Variants in FUT9 observed in about 807,000 individuals in gnomAD.
FUT9 encodes fucosyltransferase 9.
Under a neutral mutation model 29.7 loss-of-function variants are expected in FUT9, and 15 were observed. The ratio of observed to expected loss-of-function variants is 0.51; its 90% confidence interval spans 0.34 to 0.78. The LOEUF (loss-of-function observed/expected upper bound fraction) is 0.78, where lower values mean the gene tolerates loss of function less well. Among genes scored for constraint, FUT9 ranks in the 30% least tolerant of loss-of-function variants. FUT9 has a pLI of 0.01. For synonymous variants in FUT9, 169 were observed against 153.7 expected (o/e 1.10, Z -0.74); for missense variants, 319 against 425.4 (o/e 0.75, Z 2.20).
At chr6:96,188,487 C>T (rs879910044) in intron 2 of FUT9, among the ~76,000 whole-genome samples, 1 of 152,004 alleles carries the variant, frequency 6.6e-6, no homozygotes, top group African/African-American at 2.4e-5. Context: ...TAAAGCAATA[C>T]GTGTGACCTG....
intron 2 of FUT9, among the ~76,000 whole-genome samples, chr6:96,165,246 A>T (rs1373109210): frequency 6.6e-6 from 1 of 152,010 alleles, no homozygotes; most frequent in Non-Finnish European, 1.5e-5. Context: ...AGCCTGACAA[A>T]CATGGAGAAA....
rs560223509 is a variant in FUT9 at position 96,188,981 on chromosome 6, G to A, written c.-8-14167G>A. ...TTGAACAGAGATGACAACATTAATC[G>A]TATACTCACACAAATCTAGGTAAAC... is the stretch of plus-strand genomic sequence containing the variant. On this transcript the variant is annotated intron_variant, in intron 2 of 2. Coordinates refer to ENST00000302103, the MANE Select transcript of FUT9 (RefSeq NM_006581.4). Among the ~76,000 whole-genome samples, 177 of 152,146 alleles carry A rather than the reference G, an allele frequency of 1.2e-3. 1 individual carries two copies. The highest frequency in any genetic ancestry group is 3.9e-3 in the African/African-American group (162 of 41,540).
At chr6:96,069,773 GGC>G (rs1423316517) in intron 1 of FUT9, among the ~76,000 whole-genome samples, 1 of 151,894 alleles carries the variant, frequency 6.6e-6, no homozygotes, top group Non-Finnish European at 1.5e-5. Context: ...CCGAACTACA[GGC>G]GCGCGCCACC....
chr6:96,070,256 GAAC>G (rs1771035786), intron 1 of FUT9, among the ~76,000 whole-genome samples: 1 of 151,942 alleles, frequency 6.6e-6, no homozygotes, highest in African/African-American at 2.4e-5. Context: ...GAAGCTATTT[GAAC>G]AACATTGAAA....
chr6:96,096,905 G>A (rs781440651), intron 1 of FUT9, among the ~76,000 whole-genome samples: 2 of 151,922 alleles, frequency 1.3e-5, no homozygotes, highest in African/African-American at 2.4e-5. Context: ...AGCTCAATGA[G>A]GGGAGGAATT....
At chr6:96,174,012 T>C (rs1313312189) in intron 2 of FUT9, among the ~76,000 whole-genome samples, 2 of 152,050 alleles carry the variant, frequency 1.3e-5, no homozygotes, top group Non-Finnish European at 2.9e-5. Flanking sequence ...TTAAGAAAAA[T>C]ACAAGAAGTA....
chr6:96,133,439 T>C (rs970706554), intron 2 of FUT9, among the ~76,000 whole-genome samples: 4 of 151,912 alleles, frequency 2.6e-5, no homozygotes, highest in Admixed American at 1.3e-4. Flanking sequence ...AATTGGTTAT[T>C]TTTTGAATAA....
chr6:96,143,100 T>G (rs1202250463), intron 2 of FUT9, among the ~76,000 whole-genome samples: 2 of 152,170 alleles, frequency 1.3e-5, no homozygotes, highest in Non-Finnish European at 2.9e-5. Context: ...ATTCCTACGT[T>G]GAAAACCTCA....
chr6:96,116,951 A>C (rs1281475984), intron 2 of FUT9, among the ~76,000 whole-genome samples: 1 of 152,212 alleles, frequency 6.6e-6, no homozygotes, highest in Non-Finnish European at 1.5e-5. Context: ...TGCACATTAA[A>C]AAAAGAAAGA....
intron 1 of FUT9, among the ~76,000 whole-genome samples, chr6:96,073,737 C>T (rs1771100864): frequency 6.6e-6 from 1 of 152,008 alleles, no homozygotes; most frequent in African/African-American, 2.4e-5. Context: ...AATGAGGGGC[C>T]CAAGATGGTG....
In FUT9 at chr6:96,208,101, G is replaced by A. The variant is rs761138903; in HGVS notation, c.*3866G>A. The A allele has an allele frequency of 2.4e-5, 4 of 167,012 alleles. No individual in the cohort carries two copies. Among genetic ancestry groups the A allele is most frequent in the East Asian group, 3.9e-4 (2 of 5,188 alleles). 10.3% of individuals were successfully genotyped at this position (167,012 alleles called of 1,614,324 possible). ...TTTTGAGGGGCTTAGAAAGCTCAGC[G>A]CATTTGATGTATAAAGCAACAGAAT... On this transcript the variant is annotated 3_prime_UTR_variant, in exon 3 of 3. Transcript: ENST00000302103.
intron 1 of FUT9, among the ~76,000 whole-genome samples, chr6:96,107,102 C>T (rs1242716572): frequency 6.6e-6 from 1 of 152,180 alleles, no homozygotes; most frequent in Non-Finnish European, 1.5e-5. Flanking sequence ...TAGGGCATAG[C>T]TTTGCTAACC....
At chr6:96,075,950 T>C (rs1438754396) in intron 1 of FUT9, among the ~76,000 whole-genome samples, 1 of 152,198 alleles carries the variant, frequency 6.6e-6, no homozygotes, top group Non-Finnish European at 1.5e-5. Context: ...GCTTTGTTCT[T>C]CCACCTCTTA....
At chr6:96,189,293 TG>T (rs1390089163) in intron 2 of FUT9, among the ~76,000 whole-genome samples, 1 of 152,054 alleles carries the variant, frequency 6.6e-6, no homozygotes, top group Non-Finnish European at 1.5e-5. Flanking sequence ...AACATTGGCA[TG>T]TGCTGAGACT....
At chr6:96,077,804 A>G (rs896791553) in intron 1 of FUT9, among the ~76,000 whole-genome samples, 3 of 152,180 alleles carry the variant, frequency 2.0e-5, no homozygotes, top group African/African-American at 7.2e-5. Context: ...CCTCACACTC[A>G]ACTAATAATG....
intron 2 of FUT9, among the ~76,000 whole-genome samples, chr6:96,201,007 C>T (rs765200617): frequency 2.2e-4 from 33 of 151,510 alleles, no homozygotes; most frequent in Non-Finnish European, 4.1e-4. Context: ...TCATATCTTG[C>T]TTGGGTAACA....
chr6:96,070,324 C>A (rs1415836719), intron 1 of FUT9, among the ~76,000 whole-genome samples: 6 of 152,068 alleles, frequency 3.9e-5, no homozygotes, highest in Non-Finnish European at 8.8e-5. Flanking sequence ...TTTGTAATCA[C>A]AAAATATTGG....
intron 1 of FUT9, among the ~76,000 whole-genome samples, chr6:96,052,808 C>G (rs548674607): frequency 1.3e-5 from 2 of 151,456 alleles, no homozygotes; most frequent in South Asian, 4.2e-4. Context: ...GAAAAAAAAT[C>G]TGAAAAAAAA....
At chr6:96,187,637 T>C (rs1463334887) in intron 2 of FUT9, among the ~76,000 whole-genome samples, 2 of 152,190 alleles carry the variant, frequency 1.3e-5, no homozygotes, top group Non-Finnish European at 2.9e-5. Context: ...TCTGACCTTA[T>C]ATAGTAGCTT....
Sources: gnomAD v4.1 joint callset for allele counts (sites outside exome capture counted in the v4.1 genomes callset) on GRCh38, gnomAD v4.1.1 for gene constraint, MANE v1.5 for transcripts, NCBI Gene and HGNC (gene_info 2026-07-23, HGNC 2026-07-21) for gene names.